PDE1C: variants seen among roughly 807,000 people sequenced by gnomAD.
PDE1C encodes dual specificity calcium/calmodulin-dependent 3',5'-cyclic nucleotide phosphodiesterase 1C.
In PDE1C, 62 loss-of-function variants were observed where a neutral mutation model predicts 93.1. The observed-to-expected ratio is 0.67, with a 90% CI of 0.54 to 0.82. The LOEUF (loss-of-function observed/expected upper bound fraction) is 0.82. Ranked by LOEUF, PDE1C falls within the 40% of genes least tolerant of loss-of-function variation. PDE1C has a pLI of 0.00. For missense variants in PDE1C, 742 were observed against 884.6 expected, an observed-to-expected ratio of 0.84 and a Z score of 2.04; for synonymous variants, 325 against 310.1, an observed-to-expected ratio of 1.05 and a Z score of -0.50.
At chr7:32,039,637 C>G (rs578023006) in intron 2 of PDE1C, among the ~76,000 whole-genome samples, 2 of 152,300 alleles carry the variant, frequency 1.3e-5, no homozygotes, top group Non-Finnish European at 2.9e-5. Flanking sequence ...TTCAGAAGCA[C>G]TGGACTTTTA....
chr7:32,057,958 G>A (rs186050547), intron 1 of PDE1C, among the ~76,000 whole-genome samples: 11 of 152,276 alleles, frequency 7.2e-5, no homozygotes, highest in African/African-American at 2.4e-4. Flanking sequence ...TTTAAAGTGA[G>A]TATCTTTGAA....
chr7:32,056,824 T>G (rs1362965230), intron 1 of PDE1C, among the ~76,000 whole-genome samples: 1 of 152,230 alleles, frequency 6.6e-6, no homozygotes, highest in Admixed American at 6.5e-5. Context: ...TTTTCCAGAA[T>G]GGAAAAATTG....
At chr7:31,954,298 C>T (rs1466846014) in intron 2 of PDE1C, among the ~76,000 whole-genome samples, 3 of 152,118 alleles carry the variant, frequency 2.0e-5, no homozygotes, top group African/African-American at 7.2e-5. Context: ...GCAGGGGCTT[C>T]GGAGGCTGTA....
intron 1 of PDE1C, among the ~76,000 whole-genome samples, chr7:32,244,111 G>A (rs974255512): frequency 6.6e-6 from 1 of 152,130 alleles, no homozygotes; most frequent in African/African-American, 2.4e-5. Flanking sequence ...AGAAATGAAG[G>A]CAGCACCCCA....
At chr7:32,284,588 C>G (rs1302165368) in intron 1 of PDE1C, among the ~76,000 whole-genome samples, 2 of 152,210 alleles carry the variant, frequency 1.3e-5, no homozygotes, top group Admixed American at 1.3e-4. Context: ...CTATTATCAT[C>G]CTCACATATC....
At chr7:31,627,713 C>T in the PDE1C span, among the ~76,000 whole-genome samples, 1 of 140,412 alleles carries the variant, frequency 7.1e-6, no homozygotes, top group African/African-American at 2.6e-5. Context: ...ATGAAAGTGA[C>T]TAAACTTGAC....
chr7:32,350,586 ATATAT>A (rs1249974082), intron 1 of PDE1C, among the ~76,000 whole-genome samples: 1 of 382 alleles, frequency 2.6e-3, no homozygotes, highest in African/African-American at 3.2e-3. Flanking sequence ...ATATATATAT[ATATAT>A]TTTTTTTTTT....
At chr7:32,408,213 A>G (rs1005711673) in intron 1 of PDE1C, among the ~76,000 whole-genome samples, 1 of 152,216 alleles carries the variant, frequency 6.6e-6, no homozygotes, top group Non-Finnish European at 1.5e-5. Context: ...TGCCTGCTGT[A>G]CTGTGACCTA....
At chr7:31,910,960 A>G (rs1801164930) in intron 2 of PDE1C, among the ~76,000 whole-genome samples, 1 of 152,164 alleles carries the variant, frequency 6.6e-6, no homozygotes, top group African/African-American at 2.4e-5. Context: ...TTTTAGGTTC[A>G]TTTTTTAAAA....
chr7:31,800,856 A>G (rs931922363), intron 16 of PDE1C, among the ~76,000 whole-genome samples: 3 of 151,326 alleles, frequency 2.0e-5, no homozygotes, highest in African/African-American at 7.3e-5. Context: ...GTCTCTGGAA[A>G]ATCCCCAAAT....
At chr7:31,918,784 G>A (rs779262938) in intron 2 of PDE1C, among the ~76,000 whole-genome samples, 4 of 152,108 alleles carry the variant, frequency 2.6e-5, no homozygotes, top group South Asian at 2.1e-4. Flanking sequence ...CACATAAAAC[G>A]GTTTCATGAA....
intron 11 of PDE1C, among the ~76,000 whole-genome samples, chr7:31,835,661 C>A (rs1790999671): frequency 6.6e-6 from 1 of 151,962 alleles, no homozygotes; most frequent in Non-Finnish European, 1.5e-5. Flanking sequence ...CCTTCCCTCC[C>A]CCCGCTCCCC....
chr7:32,344,240 AT>A (rs1783810058), intron 1 of PDE1C, among the ~76,000 whole-genome samples: 1 of 151,484 alleles, frequency 6.6e-6, no homozygotes, highest in Non-Finnish European at 1.5e-5. Context: ...CACCCAGCTA[AT>A]TTTTTCATTC....
intron 1 of PDE1C, among the ~76,000 whole-genome samples, chr7:32,251,262 G>C (rs1358547181): frequency 1.7e-5 from 2 of 115,792 alleles, no homozygotes; most frequent in Non-Finnish European, 3.9e-5. Flanking sequence ...GAATCCGGCA[G>C]CCCAGGACTA....
chr7:31,930,883 C>T (rs1273403213), intron 2 of PDE1C, among the ~76,000 whole-genome samples: 4 of 132,260 alleles, frequency 3.0e-5, no homozygotes, highest in East Asian at 2.1e-4. Flanking sequence ...AAAAGCTTAT[C>T]CACCACTATC....
intron 2 of PDE1C, among the ~76,000 whole-genome samples, chr7:31,918,771 T>G (rs1328484835): frequency 6.6e-6 from 1 of 152,234 alleles, no homozygotes; most frequent in African/African-American, 2.4e-5. Context: ...ATTGCCTTGC[T>G]GTCACATAAA....
intron 3 of PDE1C, among the ~76,000 whole-genome samples, chr7:32,133,256 C>T (rs1427792653): frequency 2.0e-5 from 3 of 152,094 alleles, no homozygotes; most frequent in African/African-American, 7.2e-5. Context: ...CCTTAGCAAA[C>T]AACAGCTATA....
At chr7:31,876,377 C>A (rs1018138179) in intron 5 of PDE1C, among the ~76,000 whole-genome samples, 6 of 152,150 alleles carry the variant, frequency 3.9e-5, no homozygotes, top group Non-Finnish European at 8.8e-5. Context: ...CTGAGATTTT[C>A]TTTTCTCTAA....
At chr7:32,253,824 C>G (rs1809575099) in intron 1 of PDE1C, among the ~76,000 whole-genome samples, 2 of 152,154 alleles carry the variant, frequency 1.3e-5, no homozygotes, top group Admixed American at 1.3e-4. Context: ...ACTCTAAGGT[C>G]AGAGGACAGA....
Sources: allele counts gnomAD v4.1 joint callset (sites outside exome capture counted in the v4.1 genomes callset), GRCh38; gene constraint gnomAD v4.1.1; transcripts MANE v1.5; gene names NCBI Gene and HGNC (gene_info 2026-07-23, HGNC 2026-07-21).